The following PIK3C2G variants were observed in gnomAD, a reference collection of about 807,000 sequenced individuals.
PIK3C2G encodes phosphatidylinositol 3-kinase C2 domain-containing subunit gamma.
Under a neutral mutation model 181.1 loss-of-function variants are expected in PIK3C2G, and 168 were observed. The observed-to-expected ratio is 0.93, with a 90% CI of 0.82 to 1.05. The LOEUF (loss-of-function observed/expected upper bound fraction) is 1.05. PIK3C2G is among the 50% of genes least tolerant of loss of function. The pLI is 0.00. For missense variants in PIK3C2G, 1,869 were observed against 1,732.8 expected, an observed-to-expected ratio of 1.08 and a Z score of -1.40; for synonymous variants, 573 against 592.2, an observed-to-expected ratio of 0.97 and a Z score of 0.47.
At chr12:18,614,588 G>A (rs1948504699) in intron 31 of PIK3C2G, among the ~76,000 whole-genome samples, 1 of 152,072 alleles carries the variant, frequency 6.6e-6, no homozygotes, top group Non-Finnish European at 1.5e-5. Flanking sequence ...ATAGATGTAT[G>A]TGTAGTGGCT....
At chr12:18,263,531 C>T (rs909007085) in intron 1 of PIK3C2G, among the ~76,000 whole-genome samples, 1 of 152,066 alleles carries the variant, frequency 6.6e-6, no homozygotes, top group Non-Finnish European at 1.5e-5. Context: ...ATCAGTTTCT[C>T]CTTGTAGCAG....
upstream of PIK3C2G, among the ~76,000 whole-genome samples, chr12:18,244,084 T>C (rs950142016): frequency 2.6e-5 from 4 of 151,956 alleles, no homozygotes; most frequent in African/African-American, 9.7e-5. Context: ...CATAAAATAG[T>C]GATTAAAAAT....
intron 24 of PIK3C2G, among the ~76,000 whole-genome samples, chr12:18,510,564 A>G (rs1235328558): frequency 6.6e-6 from 1 of 152,084 alleles, no homozygotes; most frequent in African/African-American, 2.4e-5. Flanking sequence ...TTCATATTCT[A>G]TATGGCCTTT....
the PIK3C2G span, chr12:18,723,371 C>T: frequency 6.2e-7 from 1 of 1,612,952 alleles, no homozygotes; most frequent in Non-Finnish European, 8.5e-7. Flanking sequence ...CTCATCTCAG[C>T]TGCATATTGT....
intron 22 of PIK3C2G, among the ~76,000 whole-genome samples, chr12:18,499,662 G>C (rs564654951): frequency 6.6e-6 from 1 of 152,164 alleles, no homozygotes; most frequent in African/African-American, 2.4e-5. Flanking sequence ...CAACCCAAGC[G>C]CACTAAATCA....
chr12:18,314,011 A>T lies in PIK3C2G; in HGVS notation c.1084A>T (p.Ile362Phe). Residue 362 changes from isoleucine to phenylalanine, a missense_variant, in exon 6 of 33, where the codon ATT becomes TTT. By Grantham distance (21) the Ile-to-Phe change is conservative (BLOSUM62 0). Transcript: ENST00000538779. ...HKMFQKDKSVIQLHLQKSREA... is the reference protein window; with the variant it reads ...HKMFQKDKSVFQLHLQKSREA... ...AATGTTTCAAAAAGATAAATCTGTTATTCAGCTCCACCTGCAGAAAAGTAG... is the reference window on the plus strand; with the variant it reads ...AATGTTTCAAAAAGATAAATCTGTTTTTCAGCTCCACCTGCAGAAAAGTAG... 6.3e-7 allele frequency: 1 copy of T among 1,592,040 alleles called. No homozygotes were observed. The highest frequency in any genetic ancestry group is 1.3e-5 in the African/African-American group (1 of 74,598).
intron 22 of PIK3C2G, among the ~76,000 whole-genome samples, chr12:18,499,739 G>A (rs1412066786): frequency 6.6e-6 from 1 of 152,168 alleles, no homozygotes; most frequent in Admixed American, 6.5e-5. Flanking sequence ...TGTTTCTTAT[G>A]CACCCTTGTC....
chr12:18,504,985 C>CA (rs1360676124), intron 23 of PIK3C2G, among the ~76,000 whole-genome samples: 2 of 151,994 alleles, frequency 1.3e-5, no homozygotes, highest in Non-Finnish European at 2.9e-5. Context: ...TTTGAGGTAT[C>CA]AAAAAATGAC....
the PIK3C2G span, among the ~76,000 whole-genome samples, chr12:18,661,070 A>T: frequency 1.2e-4 from 18 of 152,150 alleles, no homozygotes; most frequent in African/African-American, 4.1e-4. Context: ...AGAAGAATTG[A>T]TGAACTTGAG....
chr12:18,536,039 A>G (rs1943835752), intron 24 of PIK3C2G, among the ~76,000 whole-genome samples: 1 of 152,100 alleles, frequency 6.6e-6, no homozygotes, highest in Non-Finnish European at 1.5e-5. Context: ...CAGCACACCA[A>G]CATGGCACAT....
chr12:18,685,025 G>A, the PIK3C2G span, among the ~76,000 whole-genome samples: 1 of 152,040 alleles, frequency 6.6e-6, no homozygotes, highest in Non-Finnish European at 1.5e-5. Context: ...ATGAGGAACT[G>A]TGAGTCAATT....
At chr12:18,501,967 G>GA (rs950459338) in intron 22 of PIK3C2G, among the ~76,000 whole-genome samples, 7 of 152,094 alleles carry the variant, frequency 4.6e-5, no homozygotes, top group African/African-American at 1.7e-4. Flanking sequence ...TAGAGGAACT[G>GA]AAAAAATGAG....
At chr12:18,566,322 C>T (rs988498332) in intron 28 of PIK3C2G, among the ~76,000 whole-genome samples, 1 of 152,104 alleles carries the variant, frequency 6.6e-6, no homozygotes, top group African/African-American at 2.4e-5. Context: ...CTAGGTAGTT[C>T]CTAAAAGGGT....
At chr12:18,701,639 C>G in the PIK3C2G span, 1 of 1,572,560 alleles carries the variant, frequency 6.4e-7, no homozygotes, top group Non-Finnish European at 8.6e-7. Flanking sequence ...CCTCCTCCTC[C>G]TCCTCCTCCT....
the PIK3C2G span, chr12:18,692,621 A>G: frequency 3.5e-6 from 2 of 576,272 alleles, no homozygotes; most frequent in Non-Finnish European, 6.1e-6. Flanking sequence ...TATGAGGTCA[A>G]CCGCAATGGG....
intron 1 of PIK3C2G, among the ~76,000 whole-genome samples, chr12:18,280,356 T>G (rs949263717): frequency 3.3e-5 from 5 of 151,984 alleles, no homozygotes; most frequent in African/African-American, 1.2e-4. Context: ...GTGTAAACAG[T>G]AGAAAATATA....
intron 31 of PIK3C2G, among the ~76,000 whole-genome samples, chr12:18,631,251 A>C (rs539213259): frequency 1.3e-5 from 2 of 152,326 alleles, no homozygotes; most frequent in African/African-American, 2.4e-5. Flanking sequence ...GATTTGAAAA[A>C]TCAATGTCTG....
At chr12:18,356,409 C>T (rs1940734077) in intron 11 of PIK3C2G, among the ~76,000 whole-genome samples, 1 of 152,082 alleles carries the variant, frequency 6.6e-6, no homozygotes, top group Non-Finnish European at 1.5e-5. Context: ...CTTCTGGGTG[C>T]TGATAGGAGT....
At chr12:18,544,884 C>T (rs912555757) in intron 25 of PIK3C2G, among the ~76,000 whole-genome samples, 3 of 151,770 alleles carry the variant, frequency 2.0e-5, no homozygotes, top group African/African-American at 7.3e-5. Flanking sequence ...ATCTATCTCC[C>T]AGTTTTCTCA....
Sources: gnomAD v4.1 joint callset for allele counts (sites outside exome capture counted in the v4.1 genomes callset) on GRCh38, gnomAD v4.1.1 for gene constraint, MANE v1.5 for transcripts, NCBI Gene and HGNC (gene_info 2026-07-23, HGNC 2026-07-21) for gene names.